SPATA6L: variants seen among roughly 807,000 people sequenced by gnomAD.
The protein encoded by SPATA6L is spermatogenesis associated 6 like, also known as spermatogenesis associated 6-like protein.
In SPATA6L, 68 loss-of-function variants were observed where a neutral mutation model predicts 49.2. That is an observed-to-expected ratio of 1.38 (90% CI 1.14 to 1.69). The LOEUF is 1.69. SPATA6L is among the 40% of genes most tolerant of loss of function. The pLI is 0.00. For synonymous variants in SPATA6L, 198 were observed against 165.7 expected, an observed-to-expected ratio of 1.19 and a Z score of -1.50; for missense variants, 668 against 464.3, an observed-to-expected ratio of 1.44 and a Z score of -4.03.
Position 4,663,516 on chromosome 9 carries a change from T to G in SPATA6L, c.40-1480A>C, listed in dbSNP as rs137910604. 2,777 of 434,912 alleles carry G rather than the reference T, an allele frequency of 6.4e-3. 20 individuals are homozygous for G. Among genetic ancestry groups the G allele is most frequent in the Middle Eastern group, 0.011 (18 of 1,636 alleles). The allele number at this position is 434,912 out of a possible 1,614,324, so 26.9% of individuals were successfully genotyped here. A position where few individuals can be genotyped will look rare whatever the true frequency, so the allele number is the denominator to read the frequency against. The stretch of plus-strand genomic sequence containing the variant: ...ATATTTATTCAACAACTGTTTATGT[T>G]TCCAGGACAACTGCAAAGAAAACAA... On this transcript the variant is annotated intron_variant, in intron 1 of 11. Transcript: ENST00000682582.
intron 7 of SPATA6L, among the ~76,000 whole-genome samples, chr9:4,620,495 T>A (rs1230257008): frequency 6.6e-6 from 1 of 152,194 alleles, no homozygotes; most frequent in African/African-American, 2.4e-5. Context: ...ATCTGCAGTT[T>A]AACAAGAGCC....
At chr9:4,644,279 C>G (rs559442265) in intron 3 of SPATA6L, among the ~76,000 whole-genome samples, 10 of 145,480 alleles carry the variant, frequency 6.9e-5, no homozygotes, top group Non-Finnish European at 1.3e-4. Context: ...GGCAGGAGAA[C>G]TGCTCAAGCC....
intron 5 of SPATA6L, chr9:4,627,758 A>C: frequency 7.8e-7 from 1 of 1,289,354 alleles, no homozygotes; most frequent in African/African-American, 1.5e-5. Context: ...CTTACCAAAG[A>C]CGGACCATGA....
At chr9:4,663,394 A>G in intron 1 of SPATA6L, 3 of 907,934 alleles carry the variant, frequency 3.3e-6, no homozygotes, top group Non-Finnish European at 1.7e-6. Flanking sequence ...CAGGTGTCCC[A>G]TGATCTTGAT....
chr9:4,656,152 G>A (rs1487156054), intron 2 of SPATA6L, 63 bp from the exon 3 acceptor site: 4 of 1,377,540 alleles, frequency 2.9e-6, no homozygotes, highest in African/African-American at 2.9e-5. Context: ...TATAGAAACT[G>A]TAAATGCCAG....
At chr9:4,661,096 A>T (rs890869915) in intron 2 of SPATA6L, among the ~76,000 whole-genome samples, 4 of 152,186 alleles carry the variant, frequency 2.6e-5, no homozygotes, top group African/African-American at 4.8e-5. Context: ...ATATATAACA[A>T]ACCAGCACGT....
intron 7 of SPATA6L, among the ~76,000 whole-genome samples, chr9:4,619,829 A>G (rs534201221): frequency 6.6e-6 from 1 of 152,188 alleles, no homozygotes; most frequent in East Asian, 1.9e-4. Flanking sequence ...TATGGCAAGG[A>G]TGACTAGGAA....
chr9:4,665,964 T>G (rs928970466), intron 1 of SPATA6L, among the ~76,000 whole-genome samples: 1 of 151,158 alleles, frequency 6.6e-6, no homozygotes, highest in Admixed American at 6.6e-5. Flanking sequence ...TAAAAATTCA[T>G]GATAAAGATA....
rs2129985305 is a variant in SPATA6L, at chr9:4,598,770, A to G, written c.*2041T>C. Among the ~76,000 whole-genome samples, 1 of 152,360 alleles carries G rather than the reference A, an allele frequency of 6.6e-6. No individual in the cohort carries two copies. Among genetic ancestry groups the G allele is most frequent in the South Asian group, 2.1e-4 (1 of 4,832 alleles). On this transcript the variant is annotated 3_prime_UTR_variant, in exon 12 of 12. Transcript: ENST00000682582. ...TTATAGCGTAACCTTAATGTAACAC[A>G]ATATTTTCTTACTTTTGATGACTAC...
chr9:4,663,118 T>G (rs1563748753), intron 1 of SPATA6L: 1 of 1,614,116 alleles, frequency 6.2e-7, no homozygotes, highest in Admixed American at 1.7e-5. Context: ...GTCTTGGGCC[T>G]ATCCAGGGTC....
At chr9:4,590,502 C>A (rs779513937) in intron 13 of SPATA6L, among the ~76,000 whole-genome samples, 3 of 152,180 alleles carry the variant, frequency 2.0e-5, no homozygotes, top group Non-Finnish European at 4.4e-5. Flanking sequence ...CTTGGCCTGC[C>A]ACTTTTAAGG....
intron 4 of SPATA6L, among the ~76,000 whole-genome samples, chr9:4,632,766 AT>A (rs1160674638): frequency 6.6e-6 from 1 of 152,196 alleles, no homozygotes; most frequent in Non-Finnish European, 1.5e-5. Context: ...GATCCTTAGT[AT>A]TGTGTGATTC....
Position 4,605,337 on chromosome 9 carries a change from A to G in SPATA6L, c.1089+10T>C, listed in dbSNP as rs375848908. 25 of 1,607,378 alleles carry G rather than the reference A, an allele frequency of 1.6e-5. No homozygotes were observed. The African/African-American group carries it at 2.3e-4, about 15-fold the overall frequency. On this transcript the variant is annotated intron_variant, in intron 10 of 11. Coordinates refer to ENST00000682582, the MANE Select transcript of SPATA6L (RefSeq NM_001353486.2). ...GTGAGCAAAGATCTAGTTTTATAAG[A>G]AAGTCTAACCTTGTTTTGGTGCAGC...
At chr9:4,611,895 G>A (rs879870870) in intron 9 of SPATA6L, among the ~76,000 whole-genome samples, 2 of 152,012 alleles carry the variant, frequency 1.3e-5, no homozygotes, top group African/African-American at 2.4e-5. Context: ...CCAGGCTAAC[G>A]TACAACTGCA....
intron 9 of SPATA6L, among the ~76,000 whole-genome samples, chr9:4,616,898 T>A (rs1288033238): frequency 6.6e-5 from 10 of 152,194 alleles, no homozygotes; most frequent in East Asian, 1.9e-4. Context: ...GCCAGTTTTT[T>A]AAAAATCTAT....
chr9:4,618,947 G>A lies in SPATA6L; in HGVS notation c.773-49C>T, dbSNP rs757612090. The A allele has an allele frequency of 2.6e-6, 4 of 1,543,100 alleles. No individual in the cohort carries two copies. The Admixed American group carries it at 7.0e-5, about 27-fold the overall frequency. ...TTCAATGACTCATTATTACCATTTA[G>A]CCTTAAAACTGCCATTATATTTATT... On this transcript the variant is annotated intron_variant, in intron 7 of 11. Transcript: ENST00000682582.
intron 3 of SPATA6L, among the ~76,000 whole-genome samples, chr9:4,647,069 A>T (rs1835556754): frequency 6.9e-6 from 1 of 145,244 alleles, no homozygotes; most frequent in Non-Finnish European, 1.5e-5. Flanking sequence ...CCTAAAAGTT[A>T]AAAAAAAAAG....
intron 5 of SPATA6L, chr9:4,628,448 A>AT (rs1830766731): frequency 1.3e-5 from 2 of 151,938 alleles, no homozygotes; most frequent in African/African-American, 2.4e-5. Flanking sequence ...TTATTTATTT[A>AT]TCATTATTTT....
intron 7 of SPATA6L, among the ~76,000 whole-genome samples, chr9:4,621,785 G>A (rs897083940): frequency 3.9e-5 from 6 of 152,196 alleles, no homozygotes; most frequent in African/African-American, 9.7e-5. Flanking sequence ...ACCGTACCCG[G>A]CCGTAGTCTG....
Sources: gnomAD v4.1 joint callset for allele counts (sites outside exome capture counted in the v4.1 genomes callset) on GRCh38, gnomAD v4.1.1 for gene constraint, MANE v1.5 for transcripts, NCBI Gene and HGNC (gene_info 2026-07-23, HGNC 2026-07-21) for gene names.